KLRG1: variants seen among roughly 807,000 people sequenced by gnomAD.
KLRG1 encodes killer cell lectin like receptor G1, also known as killer cell lectin-like receptor subfamily G member 1.
In KLRG1, 16 loss-of-function variants were observed where a neutral mutation model predicts 21.8. That is an observed-to-expected ratio of 0.73 (90% CI 0.50 to 1.11). The LOEUF is 1.11. Ranked by LOEUF, KLRG1 falls within the 50% of genes most tolerant of loss-of-function variation. The pLI is 0.00. For synonymous variants in KLRG1, 69 were observed against 75.9 expected (o/e 0.91, Z 0.47); for missense variants, 173 against 218.3 (o/e 0.79, Z 1.31).
At chr12:9,183,408 A>AT in the KLRG1 span, among the ~76,000 whole-genome samples, 87,879 of 151,142 alleles carry the variant, frequency 0.58, 26,212 homozygotes, top group East Asian at 0.75. Flanking sequence ...AATAAATGTA[A>AT]TTTTTTTTTG....
chr12:9,048,873 A>G, the KLRG1 span, among the ~76,000 whole-genome samples: 1 of 152,160 alleles, frequency 6.6e-6, no homozygotes, highest in Non-Finnish European at 1.5e-5. Context: ...AGGTATACAG[A>G]CTGGTAAGGA....
At chr12:9,190,090 C>T in the KLRG1 span, among the ~76,000 whole-genome samples, 1 of 152,066 alleles carries the variant, frequency 6.6e-6, no homozygotes, top group Non-Finnish European at 1.5e-5. Flanking sequence ...GTGGCGATTC[C>T]TCAAAGAGCT....
At chr12:9,023,332 A>G in the KLRG1 span, among the ~76,000 whole-genome samples, 1 of 152,150 alleles carries the variant, frequency 6.6e-6, no homozygotes, top group Non-Finnish European at 1.5e-5. Flanking sequence ...ATCCCTACAC[A>G]TTTGGTCACA....
the KLRG1 span, among the ~76,000 whole-genome samples, chr12:9,050,785 G>A: frequency 0.017 from 2,556 of 152,326 alleles, 67 homozygotes; most frequent in African/African-American, 0.056. Context: ...CTCCCCTGGC[G>A]CAGGACCTGG....
the KLRG1 span, chr12:9,163,935 C>A: frequency 8.0e-7 from 1 of 1,253,338 alleles, no homozygotes; most frequent in Non-Finnish European, 1.1e-6. Flanking sequence ...ACTAAGTAGC[C>A]AATGTCCAAG....
chr12:9,091,402 T>C, the KLRG1 span: 4 of 1,614,190 alleles, frequency 2.5e-6, no homozygotes, highest in Non-Finnish European at 3.4e-6. Context: ...CAGGGACTGT[T>C]ACTCCTACCT....
At chr12:9,148,325 T>C in the KLRG1 span, among the ~76,000 whole-genome samples, 1 of 152,174 alleles carries the variant, frequency 6.6e-6, no homozygotes, top group Non-Finnish European at 1.5e-5. Context: ...AGGATGCAGG[T>C]TACTCCCCTT....
chr12:9,200,680 A>G, the KLRG1 span, among the ~76,000 whole-genome samples: 1 of 152,190 alleles, frequency 6.6e-6, no homozygotes, highest in African/African-American at 2.4e-5. Context: ...TCACTGAAAC[A>G]AGAAGTTTCA....
chr12:9,191,491 A>C, the KLRG1 span, among the ~76,000 whole-genome samples: 1 of 152,120 alleles, frequency 6.6e-6, no homozygotes, highest in African/African-American at 2.4e-5. Flanking sequence ...CTGAAAAATA[A>C]AAATTAAAAA....
At chr12:9,181,865 G>A in the KLRG1 span, 1 of 1,235,312 alleles carries the variant, frequency 8.1e-7, no homozygotes, top group African/African-American at 1.5e-5. Context: ...GTTGGGAACT[G>A]TTGGGCAACT....
the KLRG1 span, among the ~76,000 whole-genome samples, chr12:9,120,134 G>C: frequency 6.6e-6 from 1 of 152,206 alleles, no homozygotes; most frequent in Non-Finnish European, 1.5e-5. Context: ...AATTTTTATA[G>C]TTTGAATGCT....
chr12:9,033,449 A>G, the KLRG1 span, among the ~76,000 whole-genome samples: 2 of 151,918 alleles, frequency 1.3e-5, no homozygotes, highest in Admixed American at 6.6e-5. Context: ...TTTAAAAAAA[A>G]AAAAGGGGAT....
intron 1 of KLRG1, among the ~76,000 whole-genome samples, chr12:8,956,257 C>T (rs374034088): frequency 9.9e-5 from 15 of 152,256 alleles, no homozygotes; most frequent in South Asian, 8.3e-4. Context: ...GTGGTGGTGG[C>T]GCCAGGCCAG....
chr12:9,001,177 A>G (rs1395258194), intron 3 of KLRG1, among the ~76,000 whole-genome samples: 1 of 152,190 alleles, frequency 6.6e-6, no homozygotes, highest in African/African-American at 2.4e-5. Context: ...CAAGTGAAAC[A>G]TCTCTAAATT....
the KLRG1 span, among the ~76,000 whole-genome samples, chr12:9,215,560 T>A: frequency 6.6e-6 from 1 of 152,024 alleles, no homozygotes; most frequent in African/African-American, 2.4e-5. Context: ...GAATTAAACA[T>A]TTTTAAATGA....
the KLRG1 span, among the ~76,000 whole-genome samples, chr12:9,208,769 T>G: frequency 6.6e-6 from 1 of 152,324 alleles, no homozygotes; most frequent in African/African-American, 2.4e-5. Flanking sequence ...GAGTGAGTTA[T>G]AACTATAGAC....
At chr12:9,080,787 A>G in the KLRG1 span, among the ~76,000 whole-genome samples, 1,572 of 152,296 alleles carry the variant, frequency 0.01, 34 homozygotes, top group African/African-American at 0.036. Flanking sequence ...ATCTTGGTAA[A>G]TTATATGAAA....
At chr12:9,108,742 C>G in the KLRG1 span, among the ~76,000 whole-genome samples, 1 of 150,280 alleles carries the variant, frequency 6.7e-6, no homozygotes, top group Non-Finnish European at 1.5e-5. Flanking sequence ...AAGGTTGGAA[C>G]AGACTGTCTT....
At chr12:9,178,324 T>C in the KLRG1 span, among the ~76,000 whole-genome samples, 27 of 152,352 alleles carry the variant, frequency 1.8e-4, no homozygotes, top group Admixed American at 8.5e-4. Flanking sequence ...ATCCACACTG[T>C]AGCCACTCCC....
Sources: gnomAD v4.1 joint callset for allele counts (sites outside exome capture counted in the v4.1 genomes callset) on GRCh38, gnomAD v4.1.1 for gene constraint, MANE v1.5 for transcripts, NCBI Gene and HGNC (gene_info 2026-07-23, HGNC 2026-07-21) for gene names.